Variants in TCF4 observed in about 807,000 individuals in gnomAD.
TCF4 encodes the protein SL3-3 enhancer factor 2.
In TCF4, 3 loss-of-function variants were observed where a neutral mutation model predicts 82.1. The ratio of observed to expected loss-of-function variants is 0.04; its 90% confidence interval spans 0.02 to 0.09. The LOEUF is 0.09. TCF4 is among the 10% of genes least tolerant of loss of function. The pLI is 1.00. For synonymous variants in TCF4, 276 were observed against 309.6 expected, an observed-to-expected ratio of 0.89 and a Z score of 1.14; for missense variants, 518 against 852.7, an observed-to-expected ratio of 0.61 and a Z score of 4.89.
chr18:55,293,998 G>A (rs2065823750), intron 8 of TCF4, among the ~76,000 whole-genome samples: 2 of 111,194 alleles, frequency 1.8e-5, no homozygotes, highest in Admixed American at 1.4e-4. Flanking sequence ...TGTGGTTCAC[G>A]CCTGTAATCC....
chr18:55,467,637 C>T (rs1322206605), intron 3 of TCF4, among the ~76,000 whole-genome samples: 1 of 152,190 alleles, frequency 6.6e-6, no homozygotes, highest in Non-Finnish European at 1.5e-5. Flanking sequence ...TCACTATACA[C>T]CTCCATCACA....
chr18:55,294,927 G>A (rs116106533), intron 8 of TCF4, among the ~76,000 whole-genome samples: 107 of 152,246 alleles, frequency 7.0e-4, no homozygotes, highest in African/African-American at 2.4e-3. Context: ...CAAACCAAGA[G>A]TCAGTTTATG....
At chr18:55,547,494 CA>C (rs1281786074) in intron 3 of TCF4, among the ~76,000 whole-genome samples, 2 of 152,100 alleles carry the variant, frequency 1.3e-5, no homozygotes, top group Admixed American at 6.6e-5. Context: ...TGTAGCTCAC[CA>C]CCTACAACTA....
chr18:55,251,539 C>T (rs531945113), intron 15 of TCF4, among the ~76,000 whole-genome samples: 126 of 152,176 alleles, frequency 8.3e-4, no homozygotes, highest in African/African-American at 3.0e-3. Flanking sequence ...AGTTATCAAG[C>T]CATTTTGTTT....
intron 3 of TCF4, among the ~76,000 whole-genome samples, chr18:55,576,603 C>T (rs1170033220): frequency 6.6e-6 from 1 of 152,132 alleles, no homozygotes; most frequent in Non-Finnish European, 1.5e-5. Flanking sequence ...GATATGCACG[C>T]TCAGTCTCAC....
chr18:55,383,259 T>C (rs1039618981), intron 6 of TCF4, among the ~76,000 whole-genome samples: 1 of 152,230 alleles, frequency 6.6e-6, no homozygotes, highest in African/African-American at 2.4e-5. Flanking sequence ...CCAGGTTCAA[T>C]GATGAAGGCT....
intron 3 of TCF4, among the ~76,000 whole-genome samples, chr18:55,544,863 G>A (rs1198048606): frequency 2.0e-5 from 3 of 152,050 alleles, no homozygotes; most frequent in Admixed American, 2.0e-4. Context: ...CTCGGAGAGC[G>A]GATACAGGAG....
At chr18:55,522,627 T>C (rs1318911584) in intron 3 of TCF4, among the ~76,000 whole-genome samples, 1 of 152,062 alleles carries the variant, frequency 6.6e-6, no homozygotes, top group Non-Finnish European at 1.5e-5. Context: ...TTGTCACTGA[T>C]GTAGACGACA....
At chr18:55,587,768 A>C (rs1603624873) in intron 1 of TCF4, among the ~76,000 whole-genome samples, 1 of 149,684 alleles carries the variant, frequency 6.7e-6, no homozygotes, top group South Asian at 2.1e-4. Context: ...CCAGCACCCT[A>C]ATTTGTGAAA....
intron 8 of TCF4, among the ~76,000 whole-genome samples, chr18:55,338,511 T>A (rs2079129175): frequency 6.6e-6 from 1 of 152,182 alleles, no homozygotes; most frequent in Non-Finnish European, 1.5e-5. Context: ...CCTGCCAGCA[T>A]ACAAAACACA....
intron 17 of TCF4, 81 bp downstream of exon 17, chr18:55,232,428 G>A (rs2048169772): frequency 6.5e-7 from 1 of 1,529,208 alleles, no homozygotes; most frequent in Non-Finnish European, 9.0e-7. Context: ...GGAAAAAACT[G>A]AATAGTTTCT....
intron 6 of TCF4, among the ~76,000 whole-genome samples, chr18:55,364,905 A>C (rs2086441634): frequency 1.3e-5 from 2 of 151,904 alleles, no homozygotes; most frequent in Admixed American, 6.6e-5. Flanking sequence ...TCATGCCTCT[A>C]ATCCCAGCAC....
chr18:55,371,282 G>A (rs1358666297), intron 6 of TCF4, among the ~76,000 whole-genome samples: 1 of 152,200 alleles, frequency 6.6e-6, no homozygotes, highest in African/African-American at 2.4e-5. Context: ...TTTGAAAAAA[G>A]AGGCTAAAAT....
At chr18:55,504,496 C>T (rs987417753) in intron 3 of TCF4, among the ~76,000 whole-genome samples, 1 of 152,198 alleles carries the variant, frequency 6.6e-6, no homozygotes, top group South Asian at 2.1e-4. Context: ...CACTGTAATT[C>T]TTCAATGCTT....
intron 3 of TCF4, among the ~76,000 whole-genome samples, chr18:55,554,351 CTAGTTTATTA>C (rs1008787201): frequency 6.6e-6 from 1 of 151,854 alleles, no homozygotes; most frequent in Admixed American, 6.6e-5. Flanking sequence ...TTAATAAACA[CTAGTTTATTA>C]TAGTTTATTA....
At chr18:55,358,097 G>A (rs141512706) in intron 6 of TCF4, among the ~76,000 whole-genome samples, 97 of 152,324 alleles carry the variant, frequency 6.4e-4, no homozygotes, top group South Asian at 2.1e-3. Context: ...AGTATATGGC[G>A]TAAAGGTCAA....
intron 5 of TCF4, among the ~76,000 whole-genome samples, chr18:55,413,539 C>T (rs901012504): frequency 6.6e-6 from 1 of 152,122 alleles, no homozygotes; most frequent in Non-Finnish European, 1.5e-5. Flanking sequence ...CAGAGTCCAA[C>T]CAGCCTGCAG....
At chr18:55,630,772 G>A (rs1208402486) in intron 2 of TCF4, among the ~76,000 whole-genome samples, 1 of 152,172 alleles carries the variant, frequency 6.6e-6, no homozygotes, top group Non-Finnish European at 1.5e-5. Context: ...TAAATAGAGT[G>A]CTGACCTAGT....
At chr18:55,372,527 A>C (rs1201538433) in intron 6 of TCF4, among the ~76,000 whole-genome samples, 2 of 152,184 alleles carry the variant, frequency 1.3e-5, no homozygotes, top group Non-Finnish European at 2.9e-5. Context: ...ATATGTAGCC[A>C]AACTTGCCTT....
Sources: allele counts gnomAD v4.1 joint callset (sites outside exome capture counted in the v4.1 genomes callset), GRCh38; gene constraint gnomAD v4.1.1; transcripts MANE v1.5; gene names NCBI Gene and HGNC (gene_info 2026-07-23, HGNC 2026-07-21).